Variants in DLG2 observed in about 807,000 individuals in gnomAD.
DLG2 encodes the protein disks large homolog 2.
A neutral mutation model predicts 132.5 loss-of-function variants in DLG2; 45 were observed. The ratio of observed to expected loss-of-function variants is 0.34; its 90% CI spans 0.27 to 0.44. The LOEUF is 0.44. Ranked by LOEUF, DLG2 falls within the 20% of genes least tolerant of loss-of-function variation. The probability of loss-of-function intolerance (pLI) is 1.00; values close to 1 mark genes in which losing one functional copy is unlikely to be tolerated. For missense variants in DLG2, 1,045 were observed against 1,196.9 expected (o/e 0.87, Z 1.87); for synonymous variants, 424 against 419.6 (o/e 1.01, Z -0.13).
At chr11:85,494,902 AC>A (rs1211421509) in intron 3 of DLG2, among the ~76,000 whole-genome samples, 2 of 151,882 alleles carry the variant, frequency 1.3e-5, no homozygotes, top group African/African-American at 4.8e-5. Flanking sequence ...CATAAAAAAA[AC>A]AGTGAAAAAC....
At position 84,081,846 on chromosome 11, in the gene DLG2, G is replaced by A. The variant is rs151233938; in HGVS notation, c.749+17077C>T. Among the ~76,000 whole-genome samples the A allele has an allele frequency of 6.8e-3, 1,032 of 152,232 alleles. 9 individuals are homozygous for A. Among genetic ancestry groups the A allele is most frequent in the African/African-American group, 0.017 (692 of 41,534 alleles). On this transcript the variant is annotated intron_variant, in intron 10 of 27. Transcript: ENST00000376104. ...TGGGTATATACCCAGTAATGGGATC[G>A]CTGGGTCAAATGGTATTTCTAGTTC...
intron 7 of DLG2, among the ~76,000 whole-genome samples, chr11:84,429,994 C>G (rs1216353858): frequency 6.6e-6 from 1 of 152,148 alleles, no homozygotes; most frequent in African/African-American, 2.4e-5. Context: ...GTCCATCCAA[C>G]TGAAGGTAGG....
chr11:85,258,734 C>T (rs1353023836), intron 4 of DLG2, among the ~76,000 whole-genome samples: 1 of 152,054 alleles, frequency 6.6e-6, no homozygotes, highest in Non-Finnish European at 1.5e-5. Flanking sequence ...TATTATGGAA[C>T]CCATAATAAA....
At chr11:83,604,523 G>T (rs182760912) in intron 19 of DLG2, among the ~76,000 whole-genome samples, 66 of 152,112 alleles carry the variant, frequency 4.3e-4, no homozygotes, top group Admixed American at 4.3e-3. Context: ...CAAATTTCAG[G>T]GTTTTTTAGG....
intron 19 of DLG2, among the ~76,000 whole-genome samples, chr11:83,572,860 G>T (rs749942512): frequency 1.3e-5 from 2 of 152,074 alleles, no homozygotes; most frequent in Non-Finnish European, 2.9e-5. Flanking sequence ...TCCCTCTTCT[G>T]CCTGATAACC....
At chr11:84,610,705 A>T (rs7112468) in intron 6 of DLG2, among the ~76,000 whole-genome samples, 1 of 151,870 alleles carries the variant, frequency 6.6e-6, no homozygotes. Context: ...GCCAATCCTG[A>T]CTTTATAGCT....
At chr11:84,880,922 A>G (rs2087218384) in intron 6 of DLG2, among the ~76,000 whole-genome samples, 1 of 152,170 alleles carries the variant, frequency 6.6e-6, no homozygotes, top group Non-Finnish European at 1.5e-5. Flanking sequence ...TTGAGCACCT[A>G]TTATGCAAGG....
intron 7 of DLG2, among the ~76,000 whole-genome samples, chr11:84,475,191 G>A (rs1198243296): frequency 2.0e-5 from 3 of 152,026 alleles, no homozygotes; most frequent in Non-Finnish European, 2.9e-5. Context: ...GACATGTGAC[G>A]TCTGTCTTTC....
At chr11:85,616,684 C>T (rs536374128) in intron 2 of DLG2, among the ~76,000 whole-genome samples, 5 of 152,232 alleles carry the variant, frequency 3.3e-5, no homozygotes, top group Non-Finnish European at 5.9e-5. Flanking sequence ...CTCCTAGCCC[C>T]TTCACAGCGT....
chr11:85,477,730 T>A (rs1295987688), intron 3 of DLG2, among the ~76,000 whole-genome samples: 2 of 152,182 alleles, frequency 1.3e-5, no homozygotes, highest in Non-Finnish European at 2.9e-5. Flanking sequence ...TTTAACACTA[T>A]CAGAGTGCCA....
intron 4 of DLG2, among the ~76,000 whole-genome samples, chr11:85,227,477 A>T (rs1448598734): frequency 6.6e-6 from 1 of 152,134 alleles, no homozygotes; most frequent in Non-Finnish European, 1.5e-5. Context: ...GATGGTAAAG[A>T]TCTCTCTGAA....
intron 7 of DLG2, among the ~76,000 whole-genome samples, chr11:84,425,002 T>C (rs1433267191): frequency 1.3e-5 from 2 of 152,108 alleles, no homozygotes; most frequent in Non-Finnish European, 2.9e-5. Flanking sequence ...TTTGCCTTAA[T>C]TGTGTATGCT....
intron 4 of DLG2, among the ~76,000 whole-genome samples, chr11:85,205,146 G>GTATATATATATATATATAGATATA (rs1258576241): frequency 7.1e-6 from 1 of 141,702 alleles, no homozygotes; most frequent in South Asian, 2.2e-4. Flanking sequence ...ATATGTGTGT[G>GTATATATATATATATATAGATATA]TATATATATA....
intron 6 of DLG2, among the ~76,000 whole-genome samples, chr11:84,959,772 T>C (rs187546730): frequency 6.6e-6 from 1 of 152,294 alleles, no homozygotes; most frequent in East Asian, 1.9e-4. Context: ...GTGAACTTGA[T>C]TTACTTGTGA....
intron 14 of DLG2, among the ~76,000 whole-genome samples, chr11:83,957,106 GT>G (rs1673340184): frequency 6.6e-6 from 1 of 152,202 alleles, no homozygotes; most frequent in South Asian, 2.1e-4. Flanking sequence ...AAGATTTTAT[GT>G]GTTTTTATGC....
Position 83,965,329 on chromosome 11 carries a change from G to A in DLG2, c.1196C>T (p.Thr399Ile). Residue 399 changes from threonine (T) to isoleucine (I), a missense_variant, in exon 13 of 28, where the codon ACT becomes ATT. Transcript: ENST00000376104. Reference sequence around the variant, plus strand: ...AAGATGACAATGGTACTTACAGTGAGTAATATCAGGTGGACCATAAGGATC... The same window carrying A: ...AAGATGACAATGGTACTTACAGTGAATAATATCAGGTGGACCATAAGGATC... ...MTDPYGPPDI[T>I]HSYSPPMENH... is the part of the protein sequence containing the mutation. 1 of 1,606,586 alleles carries A rather than the reference G, an allele frequency of 6.2e-7. No homozygotes were observed.
At chr11:85,456,061 T>C (rs1045460880) in intron 3 of DLG2, among the ~76,000 whole-genome samples, 2 of 152,194 alleles carry the variant, frequency 1.3e-5, no homozygotes, top group African/African-American at 4.8e-5. Context: ...TACTAGCTCT[T>C]CTTTATACAA....
chr11:84,808,989 A>G (rs2076279877), intron 6 of DLG2, among the ~76,000 whole-genome samples: 1 of 151,978 alleles, frequency 6.6e-6, no homozygotes. Context: ...ACAAAAGACA[A>G]AAGAAGAAAA....
At chr11:84,031,876 T>A (rs529254141) in intron 11 of DLG2, among the ~76,000 whole-genome samples, 2 of 152,002 alleles carry the variant, frequency 1.3e-5, no homozygotes, top group Non-Finnish European at 2.9e-5. Context: ...GTGTGTCACA[T>A]TTTTTTTGGT....
Sources: gnomAD v4.1 joint callset for allele counts (sites outside exome capture counted in the v4.1 genomes callset) on GRCh38, gnomAD v4.1.1 for gene constraint, MANE v1.5 for transcripts, NCBI Gene and HGNC (gene_info 2026-07-23, HGNC 2026-07-21) for gene names.